Variants in GABRB1 observed in about 807,000 individuals in gnomAD.
The protein encoded by GABRB1 is gamma-aminobutyric acid receptor subunit beta-1.
In GABRB1, 17 loss-of-function variants were observed where a neutral mutation model predicts 51.6. The ratio of observed to expected loss-of-function variants is 0.33; its 90% CI spans 0.23 to 0.49. GABRB1 has a LOEUF of 0.49. GABRB1 is among the 20% of genes least tolerant of loss of function. The pLI is 0.99. For synonymous variants in GABRB1, 247 were observed against 218.9 expected (o/e 1.13, Z -1.14); for missense variants, 410 against 600.6 (o/e 0.68, Z 3.32).
In GABRB1 at chr4:47,236,735, C is replaced by T. The variant is rs916492097; in HGVS notation, c.461+75266C>T. On this transcript the variant is annotated intron_variant, in intron 4 of 8. Transcript: ENST00000295454. Reference sequence around the variant, plus strand: ...AAGTTTATTTGGGCAATGTTCAATCCTGGTGAGCCCATGCTGGCTCCAAGT... The same window carrying T: ...AAGTTTATTTGGGCAATGTTCAATCTTGGTGAGCCCATGCTGGCTCCAAGT... Among the ~76,000 whole-genome samples the T allele has an allele frequency of 9.2e-5, 14 of 152,214 alleles. 1 individual carries two copies. Among genetic ancestry groups the T allele is most frequent in the Admixed American group, 7.2e-4 (11 of 15,276 alleles).
intron 3 of GABRB1, among the ~76,000 whole-genome samples, chr4:47,064,409 T>C (rs573623575): frequency 1.3e-5 from 2 of 152,096 alleles, no homozygotes; most frequent in Non-Finnish European, 2.9e-5. Flanking sequence ...CTGAGGCCGA[T>C]GGATCACCTG....
intron 3 of GABRB1, among the ~76,000 whole-genome samples, chr4:47,092,323 C>A (rs886709963): frequency 2.0e-5 from 3 of 151,526 alleles, no homozygotes; most frequent in East Asian, 2.0e-4. Context: ...CAGGCACACA[C>A]CACCACGCCT....
At chr4:47,183,494 A>T (rs1719045155) in intron 4 of GABRB1, among the ~76,000 whole-genome samples, 1 of 151,092 alleles carries the variant, frequency 6.6e-6, no homozygotes, top group Non-Finnish European at 1.5e-5. Context: ...GATAGCCAGC[A>T]CCCTTCTGTC....
At chr4:47,153,463 T>C (rs908880095) in intron 3 of GABRB1, among the ~76,000 whole-genome samples, 4 of 152,092 alleles carry the variant, frequency 2.6e-5, no homozygotes, top group Admixed American at 2.0e-4. Flanking sequence ...GAAATTGGAT[T>C]CATCATCAAA....
intron 3 of GABRB1, among the ~76,000 whole-genome samples, chr4:47,094,792 T>A (rs1714322486): frequency 6.6e-6 from 1 of 151,904 alleles, no homozygotes; most frequent in Non-Finnish European, 1.5e-5. Context: ...AAAAAGAAAC[T>A]TTACTGTTTA....
At chr4:47,053,895 T>G (rs1388883144) in intron 3 of GABRB1, among the ~76,000 whole-genome samples, 1 of 152,178 alleles carries the variant, frequency 6.6e-6, no homozygotes, top group East Asian at 1.9e-4. Context: ...CTCTGGGTAG[T>G]TTTGTCTCAT....
At chr4:47,344,560 T>TA (rs1726019323) in intron 5 of GABRB1, among the ~76,000 whole-genome samples, 1 of 152,204 alleles carries the variant, frequency 6.6e-6, no homozygotes, top group African/African-American at 2.4e-5. Context: ...GAATCTTTTT[T>TA]ACATGACCAC....
chr4:47,239,483 G>GA (rs890615816), intron 4 of GABRB1, among the ~76,000 whole-genome samples: 5 of 152,124 alleles, frequency 3.3e-5, no homozygotes, highest in South Asian at 2.1e-4. Context: ...TGTTTTTAGA[G>GA]AAAAAAATGT....
At chr4:47,194,159 G>A (rs1041914764) in intron 4 of GABRB1, among the ~76,000 whole-genome samples, 6 of 152,132 alleles carry the variant, frequency 3.9e-5, no homozygotes, top group African/African-American at 1.4e-4. Context: ...ATATCAAGCT[G>A]ATTAAAGTAG....
At chr4:47,385,915 G>C (rs961211218) in intron 5 of GABRB1, among the ~76,000 whole-genome samples, 1 of 152,172 alleles carries the variant, frequency 6.6e-6, no homozygotes, top group African/African-American at 2.4e-5. Context: ...GGAGCAGCCA[G>C]ATGAAAGAGA....
chr4:47,269,867 A>G (rs1316081159), intron 4 of GABRB1, among the ~76,000 whole-genome samples: 2 of 150,562 alleles, frequency 1.3e-5, no homozygotes, highest in African/African-American at 4.9e-5. Flanking sequence ...TGTTACATCA[A>G]ACTTAATTTT....
chr4:47,368,267 C>T (rs888188265), intron 5 of GABRB1, among the ~76,000 whole-genome samples: 4 of 152,198 alleles, frequency 2.6e-5, no homozygotes, highest in African/African-American at 9.7e-5. Context: ...CCTACTTCCT[C>T]CAGTCTCCTG....
chr4:47,310,289 G>A (rs926938868), intron 4 of GABRB1, among the ~76,000 whole-genome samples: 3 of 152,090 alleles, frequency 2.0e-5, no homozygotes, highest in Non-Finnish European at 4.4e-5. Flanking sequence ...CTTCTCTCTT[G>A]AGACCTTACA....
intron 1 of GABRB1, among the ~76,000 whole-genome samples, chr4:47,019,563 CT>C (rs1724847280): frequency 1.3e-5 from 2 of 151,254 alleles, no homozygotes; most frequent in Non-Finnish European, 2.9e-5. Context: ...CTCTCTCTCT[CT>C]CTCTCTCTCT....
chr4:47,395,822 C>T (rs1374002954), intron 5 of GABRB1, among the ~76,000 whole-genome samples: 1 of 152,120 alleles, frequency 6.6e-6, no homozygotes. Context: ...TTTTTTCATA[C>T]ACCTACAAGT....
chr4:47,253,520 T>C (rs1013199541), intron 4 of GABRB1, among the ~76,000 whole-genome samples: 3 of 152,184 alleles, frequency 2.0e-5, no homozygotes, highest in Admixed American at 6.5e-5. Context: ...ATTTCTCTCT[T>C]CCTCTGATTC....
At chr4:47,387,770 T>C (rs1727851029) in intron 5 of GABRB1, among the ~76,000 whole-genome samples, 1 of 152,132 alleles carries the variant, frequency 6.6e-6, no homozygotes, top group African/African-American at 2.4e-5. Flanking sequence ...CAGGGTTGTA[T>C]AGAGGCTTAA....
At chr4:47,075,344 C>A (rs1727501005) in intron 3 of GABRB1, among the ~76,000 whole-genome samples, 1 of 152,116 alleles carries the variant, frequency 6.6e-6, no homozygotes, top group African/African-American at 2.4e-5. Flanking sequence ...ATACCGGATG[C>A]CGTTACAGTA....
chr4:47,376,352 G>A (rs984362855), intron 5 of GABRB1, among the ~76,000 whole-genome samples: 5 of 152,178 alleles, frequency 3.3e-5, no homozygotes, highest in African/African-American at 9.7e-5. Context: ...TGGCGGTTAA[G>A]AAGCCATAGA....
Sources: allele counts gnomAD v4.1 joint callset (sites outside exome capture counted in the v4.1 genomes callset), GRCh38; gene constraint gnomAD v4.1.1; transcripts MANE v1.5; gene names NCBI Gene and HGNC (gene_info 2026-07-23, HGNC 2026-07-21).